The following KMT2C variants were observed in gnomAD, a reference collection of about 807,000 sequenced individuals.
The protein encoded by KMT2C is histone-lysine N-methyltransferase 2C.
In KMT2C, 88 loss-of-function variants were observed where a neutral mutation model predicts 507.9. The ratio of observed to expected loss-of-function variants is 0.17; its 90% CI spans 0.15 to 0.21. The LOEUF (loss-of-function observed/expected upper bound fraction) is 0.21, where lower values mean the gene tolerates loss of function less well. KMT2C is among the 10% of genes least tolerant of loss of function. The pLI, the probability that KMT2C is intolerant of heterozygous loss-of-function variation, is 1.00. For synonymous variants in KMT2C, 2,049 were observed against 2,080.8 expected (o/e 0.98, Z 0.42); for missense variants, 4,954 against 5,957.8 (o/e 0.83, Z 5.55).
chr7:152,425,260 A>G (rs780311363), intron 1 of KMT2C, among the ~76,000 whole-genome samples: 20 of 152,272 alleles, frequency 1.3e-4, no homozygotes, highest in African/African-American at 2.4e-4. Context: ...CTACAACTCT[A>G]TAAGTATGAA....
chr7:152,184,282 C>G (rs767238212), intron 34 of KMT2C, among the ~76,000 whole-genome samples: 2 of 151,982 alleles, frequency 1.3e-5, no homozygotes, highest in Non-Finnish European at 2.9e-5. Flanking sequence ...CATATATGCT[C>G]TATCCAAAAT....
intron 43 of KMT2C, among the ~76,000 whole-genome samples, chr7:152,161,781 T>A (rs1470449906): frequency 6.6e-6 from 1 of 152,228 alleles, no homozygotes; most frequent in Non-Finnish European, 1.5e-5. Flanking sequence ...TGGAAATTAA[T>A]CACTTATTTA....
chr7:152,435,527 G>A (rs1239737568), intron 1 of KMT2C, 99 bp downstream of exon 1: 2 of 589,438 alleles, frequency 3.4e-6, no homozygotes, highest in African/African-American at 2.1e-5. Context: ...CCCCGCCGGG[G>A]GGCGCCGGGG....
chr7:152,316,408 T>TA (rs1456860502), intron 3 of KMT2C, among the ~76,000 whole-genome samples: 2 of 151,968 alleles, frequency 1.3e-5, no homozygotes, highest in Non-Finnish European at 2.9e-5. Flanking sequence ...AGTCTATTAA[T>TA]AAAAAAGGAG....
Position 152,252,575 on chromosome 7 carries a change from T to A in KMT2C, c.1440A>T (p.Lys480Asn), listed in dbSNP as rs1474377808. 4 of 1,613,492 alleles carry A rather than the reference T, an allele frequency of 2.5e-6. No homozygotes were observed. Among genetic ancestry groups the A allele is most frequent in the Non-Finnish European group, 3.4e-6 (4 of 1,179,674 alleles). The change falls in exon 10 of 59, where the codon AAA (lysine) becomes AAT (asparagine). Residue 480 changes from lysine (K) to asparagine (N), a missense_variant. This residue lies in a region of KMT2C where 376 missense variants were observed against 352.4 expected (regional missense o/e 1.07). Transcript: ENST00000262189. ...CGKCYHPELQ[K>N]DMLHCNMCKR... ...TGCACATATTACAATGAAGCATGTC[T>A]TTCTGCAATTCTGGATGATAACACT...
At chr7:152,416,513 C>T (rs1480295779) in intron 1 of KMT2C, among the ~76,000 whole-genome samples, 2 of 151,678 alleles carry the variant, frequency 1.3e-5, no homozygotes, top group Non-Finnish European at 2.9e-5. Context: ...CACGCCATTA[C>T]ACTCCAGCCT....
chr7:152,315,837 C>T (rs2096718064), intron 3 of KMT2C, among the ~76,000 whole-genome samples: 1 of 151,984 alleles, frequency 6.6e-6, no homozygotes, highest in South Asian at 2.1e-4. Flanking sequence ...CGCTTGTATC[C>T]GGGAGGTAGA....
intron 7 of KMT2C, among the ~76,000 whole-genome samples, chr7:152,273,298 C>T (rs1020950754): frequency 6.6e-6 from 1 of 152,150 alleles, no homozygotes; most frequent in Non-Finnish European, 1.5e-5. Context: ...TTCTTATTAA[C>T]GTAAATCCTG....
chr7:152,182,496 A>G lies in KMT2C; in HGVS notation c.5364T>C (p.Phe1788=), dbSNP rs768473478. The G allele has an allele frequency of 4.3e-6, 7 of 1,614,016 alleles. No homozygotes were observed. In the Admixed American group the frequency reaches 1.2e-4, roughly 27 times the overall value. The change falls in exon 36 of 59, where the codon TTT becomes TTC. Residue 1788 remains phenylalanine (F), a synonymous_variant. Transcript: ENST00000262189. ...ACTGCACCAGAAGATGCTGAGAACCAAATTGCTGTTGTTGCTGCTGCTGCT... is the reference window on the plus strand; with the variant it reads ...ACTGCACCAGAAGATGCTGAGAACCGAATTGCTGTTGTTGCTGCTGCTGCT... The part of the protein sequence containing the change: ...NEQQQQQQQQ[F]GSQHLLVQSG...
At chr7:152,374,158 A>G (rs956957609) in intron 1 of KMT2C, among the ~76,000 whole-genome samples, 1 of 151,838 alleles carries the variant, frequency 6.6e-6, no homozygotes, top group Non-Finnish European at 1.5e-5. Flanking sequence ...TCTACTAAAA[A>G]TACAAAAATT....
chr7:152,400,341 C>T (rs1336776662), intron 1 of KMT2C, among the ~76,000 whole-genome samples: 2 of 152,010 alleles, frequency 1.3e-5, no homozygotes, highest in East Asian at 3.8e-4. Flanking sequence ...TCACTAAAGC[C>T]GTAACATGAA....
At chr7:152,385,637 A>T in intron 1 of KMT2C, among the ~76,000 whole-genome samples, 1 of 140,410 alleles carries the variant, frequency 7.1e-6, no homozygotes, top group South Asian at 2.2e-4. Context: ...AAAAAAAAAA[A>T]AAAAAAAAAA....
intron 1 of KMT2C, chr7:152,367,389 CA>C: frequency 2.9e-6 from 2 of 695,654 alleles, no homozygotes; most frequent in Non-Finnish European, 5.0e-6. Flanking sequence ...CGGCTGGCAC[CA>C]GCATACAAAG....
chr7:152,307,363 A>G (rs1444752066), intron 6 of KMT2C, among the ~76,000 whole-genome samples: 1 of 124,408 alleles, frequency 8.0e-6, no homozygotes, highest in African/African-American at 3.0e-5. Flanking sequence ...GGAAGGAGAG[A>G]GGGAGAGAGG....
intron 1 of KMT2C, among the ~76,000 whole-genome samples, chr7:152,359,272 C>A (rs2097176291): frequency 6.9e-6 from 1 of 144,360 alleles, no homozygotes. Context: ...GGTGAAATTC[C>A]TGACAGAAAG....
At chr7:152,426,085 A>ATC (rs2097814608) in intron 1 of KMT2C, among the ~76,000 whole-genome samples, 1 of 152,104 alleles carries the variant, frequency 6.6e-6, no homozygotes, top group African/African-American at 2.4e-5. Context: ...TATTGCTCAT[A>ATC]ATGAAAAACA....
chr7:152,206,140 AATAAC>A (rs1171317499), intron 24 of KMT2C, among the ~76,000 whole-genome samples: 1 of 152,190 alleles, frequency 6.6e-6, no homozygotes, highest in East Asian at 1.9e-4. Context: ...TAAAAGGACA[AATAAC>A]ATAAGTGAAG....
At chr7:152,315,052 C>T in intron 4 of KMT2C, 86 bp downstream of exon 4, 1 of 1,159,284 alleles carries the variant, frequency 8.6e-7, no homozygotes, top group South Asian at 1.4e-5. Context: ...AAGAACAATC[C>T]CATTTGAAAA....
At position 152,310,030 on chromosome 7, in the gene KMT2C, A is replaced by G. The variant is rs111806974; in HGVS notation, c.785T>C (p.Val262Ala). ...HHRCVEWSLG[V>A]CQMEEPLLVN... ...TAACAATGGTTCTTCCATCTGGCAT[A>G]CTCCTAGTGACCACTCCACACAACG... is the stretch of plus-strand genomic sequence containing the variant. Residue 262 changes from valine (V) to alanine (A), a missense_variant, in exon 6 of 59, where the codon GTA (valine) becomes GCA (alanine). Transcript: ENST00000262189. 67 of 1,613,926 alleles carry G rather than the reference A, an allele frequency of 4.2e-5. 1 individual carries two copies. The African/African-American group carries it at 4.4e-4, about 11-fold the overall frequency.
Sources: allele counts gnomAD v4.1 joint callset (sites outside exome capture counted in the v4.1 genomes callset), GRCh38; gene constraint gnomAD v4.1.1; regional missense constraint gnomAD v4.1.1; transcripts MANE v1.5; gene names NCBI Gene and HGNC (gene_info 2026-07-23, HGNC 2026-07-21).